The following ING2 variants were observed in gnomAD, a reference collection of about 807,000 sequenced individuals.
The protein encoded by ING2 is inhibitor of growth family member 2, also known as inhibitor of growth protein 2.
In ING2, 7 loss-of-function variants were observed where a neutral mutation model predicts 30.6. The ratio of observed to expected loss-of-function variants is 0.23; its 90% CI spans 0.13 to 0.43. ING2 has a LOEUF of 0.43. Among genes scored for constraint, ING2 ranks in the 20% least tolerant of loss-of-function variants. ING2 has a pLI of 1.00. For missense variants in ING2, 239 were observed against 334.9 expected (o/e 0.71, Z 2.24); for synonymous variants, 136 against 121.7 (o/e 1.12, Z -0.78).
chr4:183,505,835 C>T (rs1216564473), intron 1 of ING2, among the ~76,000 whole-genome samples: 1 of 151,790 alleles, frequency 6.6e-6, no homozygotes, highest in Non-Finnish European at 1.5e-5. Context: ...GGGGAGGGGG[C>T]GAGAGGCCGC....
chr4:183,510,591 G>T lies in ING2; in HGVS notation c.482G>T (p.Arg161Leu), dbSNP rs541098829. The change falls in exon 2 of 2, where the codon CGT (arginine) becomes CTT (leucine). Residue 161 changes from arginine to leucine, a missense_variant. Transcript: ENST00000302327. ...CGCAGGCAGCGGACCAGTGAAAGCC[G>T]TGATTTATGTCACATGGCAAATGGG... ...RPRRQRTSES[R>L]DLCHMANGIE... 1.4e-5 allele frequency: 23 copies of T among 1,613,958 alleles called. No individual in the cohort carries two copies. The highest frequency in any genetic ancestry group is 2.7e-5 in the African/African-American group (2 of 74,922).
intron 1 of ING2, chr4:183,506,320 T>A: frequency 1.5e-6 from 2 of 1,302,870 alleles, no homozygotes; most frequent in Non-Finnish European, 2.0e-6. Flanking sequence ...TGGCTCCGCG[T>A]AGGTTCCGGG....
intron 1 of ING2, among the ~76,000 whole-genome samples, chr4:183,509,448 C>T (rs1218574178): frequency 2.1e-5 from 3 of 142,746 alleles, no homozygotes; most frequent in South Asian, 2.2e-4. Context: ...ATCTCTTATC[C>T]TTTTTTTTTT....
Position 183,505,387 on chromosome 4 carries a change from C to A in ING2, c.172+20C>A. 6.6e-7 allele frequency: 1 copy of A among 1,510,668 alleles called. No individual in the cohort carries two copies. The highest frequency in any genetic ancestry group is 8.9e-7 in the Non-Finnish European group (1 of 1,125,626). 93.6% of individuals were successfully genotyped at this position (1,510,668 alleles called of 1,614,324 possible). ...ATCAAGGTAGGAGCCGCGGGGCTGC[C>A]GGCCTCGGGAGCCGGTGGCGGGGAG... On this transcript the variant is annotated intron_variant, in intron 1 of 1. Coordinates refer to ENST00000302327, the MANE Select transcript of ING2 (RefSeq NM_001564.4).
rs1212232872 is a variant in ING2 at position 183,510,987 on chromosome 4, T to C, written c.*35T>C. 2 of 1,491,850 alleles carry C rather than the reference T, an allele frequency of 1.3e-6. No homozygotes were observed. The highest frequency in any genetic ancestry group is 2.8e-5 in the African/African-American group (2 of 70,390). The allele number at this position is 1,491,850 out of a possible 1,614,324, so 92.4% of individuals were successfully genotyped here. On this transcript the variant is annotated 3_prime_UTR_variant, in exon 2 of 2. Transcript: ENST00000302327. ...TCCACATTTTAAAGGGTTATTTGTCTTTTATATAATTCGTTTGCTTTCAGA... is the reference window on the plus strand; with the variant it reads ...TCCACATTTTAAAGGGTTATTTGTCCTTTATATAATTCGTTTGCTTTCAGA...
At chr4:183,508,242 T>G (rs1173611541) in intron 1 of ING2, among the ~76,000 whole-genome samples, 5 of 152,120 alleles carry the variant, frequency 3.3e-5, no homozygotes, top group African/African-American at 1.2e-4. Flanking sequence ...TATAATACGG[T>G]ATCTTACAAA....
intron 1 of ING2, among the ~76,000 whole-genome samples, chr4:183,505,790 C>A (rs551031963): frequency 1.2e-4 from 19 of 152,108 alleles, no homozygotes; most frequent in African/African-American, 4.3e-4. Flanking sequence ...CTCACTCGCC[C>A]CCACCCCGGA....
Position 183,505,243 on chromosome 4 carries a change from G to C in ING2, c.48G>C (p.Leu16=). 6.3e-7 allele frequency: 1 copy of C among 1,598,638 alleles called. No individual in the cohort carries two copies. The highest frequency in any genetic ancestry group is 8.5e-7 in the Non-Finnish European group (1 of 1,173,704). ...AACTGTACTCGTCGGCCGCGCTCCT[G>C]ACCGGGGAGCGGAGCCGGCTGCTCA... is the stretch of plus-strand genomic sequence containing the variant. The part of the protein sequence containing the change: ...QQQLYSSAAL[L]TGERSRLLTC... The change falls in exon 1 of 2, where the codon CTG becomes CTC. Residue 16 remains leucine (L), a synonymous_variant. Coordinates refer to ENST00000302327, the MANE Select transcript of ING2 (RefSeq NM_001564.4).
intron 1 of ING2, among the ~76,000 whole-genome samples, chr4:183,505,688 C>G (rs1023557215): frequency 6.6e-6 from 1 of 152,078 alleles, no homozygotes; most frequent in East Asian, 1.9e-4. Flanking sequence ...GTGCCGCAGA[C>G]CCTGCGGCCC....
chr4:183,506,073 A>G, intron 1 of ING2: 1 of 1,160,776 alleles, frequency 8.6e-7, no homozygotes, highest in Non-Finnish European at 1.1e-6. Flanking sequence ...TGCGGGCTTG[A>G]CGAGGGGCGT....
Position 183,510,312 on chromosome 4 carries a change from A to C in ING2, c.203A>C (p.Glu68Ala). ...ETLKEIDDVY[E>A]KYKKEDDLNQ... ...TTAAAGGAAATTGATGATGTCTACG[A>C]AAAATATAAGAAAGAAGATGATTTA... is the stretch of plus-strand genomic sequence containing the variant. Residue 68 changes from glutamate to alanine, a missense_variant, in exon 2 of 2, where the codon GAA (glutamate) becomes GCA (alanine). Coordinates refer to ENST00000302327, the MANE Select transcript of ING2 (RefSeq NM_001564.4). 6.3e-7 allele frequency: 1 copy of C among 1,589,456 alleles called. No individual in the cohort carries two copies.
rs150838455 is a variant in ING2 at position 183,510,690 on chromosome 4, C to T, written c.581C>T (p.Ala194Val). The T allele has an allele frequency of 8.9e-5, 144 of 1,614,026 alleles. No individual in the cohort carries two copies. Among genetic ancestry groups the T allele is most frequent in the Non-Finnish European group, 1.2e-4 (138 of 1,180,048 alleles). The change falls in exon 2 of 2, where the codon GCC (alanine) becomes GTC (valine). Residue 194 changes from alanine (A) to valine (V), a missense_variant. Ala to Val is a moderately conservative substitution (Grantham distance 64). This residue lies in a region of ING2 where 115 missense variants were observed against 120.1 expected (regional missense o/e 0.96). Transcript: ENST00000302327. Reference sequence around the variant, plus strand: ...GCAAAGAAAAAGAAACGCTCCAAGGCCAAGCAGGAAAGGGAAGCTTCACCT... The same window carrying T: ...GCAAAGAAAAAGAAACGCTCCAAGGTCAAGCAGGAAAGGGAAGCTTCACCT... ...KSAKKKKRSK[A>V]KQEREASPVE...
In ING2 at chr4:183,511,460, C is replaced by T. The variant is rs1184411452; in HGVS notation, c.*508C>T. On this transcript the variant is annotated 3_prime_UTR_variant, in exon 2 of 2. Coordinates refer to ENST00000302327, the MANE Select transcript of ING2 (RefSeq NM_001564.4). ...TCTAGTCTTCTAGGAGTTTAAGGAACTGGAGATAAGAGTAATTTGGGATTC... is the reference window on the plus strand; with the variant it reads ...TCTAGTCTTCTAGGAGTTTAAGGAATTGGAGATAAGAGTAATTTGGGATTC... 6.6e-6 allele frequency among the ~76,000 whole-genome samples: 1 copy of T among 152,188 alleles called. No individual in the cohort carries two copies. Among genetic ancestry groups the T allele is most frequent in the Non-Finnish European group, 1.5e-5 (1 of 68,042 alleles).
chr4:183,510,557 A>G lies in ING2; in HGVS notation c.448A>G (p.Arg150Gly), dbSNP rs1237022111. ...MDSSQPERSS[R>G]RPRRQRTSES... The stretch of plus-strand genomic sequence containing the variant: ...TTCCAGCCAACCAGAAAGATCTTCA[A>G]GAAGACCCCGCAGGCAGCGGACCAG... Residue 150 changes from arginine (R) to glycine (G), a missense_variant, in exon 2 of 2, where the codon AGA becomes GGA. Arg to Gly is a moderately radical substitution (Grantham distance 125). Coordinates refer to ENST00000302327, the MANE Select transcript of ING2 (RefSeq NM_001564.4). 3 of 1,614,104 alleles carry G rather than the reference A, an allele frequency of 1.9e-6. No individual in the cohort carries two copies. The highest frequency in any genetic ancestry group is 2.5e-6 in the Non-Finnish European group (3 of 1,180,048).
At chr4:183,509,882 C>G (rs1213229516) in intron 1 of ING2, among the ~76,000 whole-genome samples, 1 of 151,812 alleles carries the variant, frequency 6.6e-6, no homozygotes, top group Non-Finnish European at 1.5e-5. Context: ...ATGAGGGGCG[C>G]CTGCCACCAT....
Position 183,505,150 on chromosome 4 carries a change from G to A in ING2, c.-46G>A. On this transcript the variant is annotated 5_prime_UTR_variant, in exon 1 of 2. Coordinates refer to ENST00000302327, the MANE Select transcript of ING2 (RefSeq NM_001564.4). ...CGCGGCGGCCGCGGCCGGTGCATGT[G>A]CGGCTGCTGGATGCGGAGGCGGCGG... 1.3e-6 allele frequency: 2 copies of A among 1,562,096 alleles called. No individual in the cohort carries two copies. The highest frequency in any genetic ancestry group is 1.2e-5 in the South Asian group (1 of 86,180).
rs561528428 is a variant in ING2 at position 183,508,468 on chromosome 4, A to G, written c.173-1814A>G. ...TTAGATGCCGAGCTAAGCAAATGGA[A>G]TAGACATGAACTTTGTTCGAAAATA... On this transcript the variant is annotated intron_variant, in intron 1 of 1. Transcript: ENST00000302327. 4.6e-5 allele frequency among the ~76,000 whole-genome samples: 7 copies of G among 152,310 alleles called. No homozygotes were observed. In the South Asian group the frequency reaches 1.2e-3, roughly 27 times the overall value.
chr4:183,510,238 G>A, intron 1 of ING2, 44 bp from the exon 2 acceptor site: 1 of 1,341,720 alleles, frequency 7.5e-7, no homozygotes, highest in Admixed American at 2.2e-5. Context: ...TGTTGTGTCT[G>A]CTAACACATG....
intron 1 of ING2, among the ~76,000 whole-genome samples, chr4:183,505,678 G>C (rs1233439874): frequency 2.0e-5 from 3 of 152,124 alleles, no homozygotes; most frequent in Non-Finnish European, 2.9e-5. Context: ...GGCCCGCCCC[G>C]TGCCGCAGAC....
Sources: allele counts gnomAD v4.1 joint callset (sites outside exome capture counted in the v4.1 genomes callset), GRCh38; gene constraint gnomAD v4.1.1; regional missense constraint gnomAD v4.1.1; transcripts MANE v1.5; gene names NCBI Gene and HGNC (gene_info 2026-07-23, HGNC 2026-07-21).